ATP2B4: variants seen among roughly 807,000 people sequenced by gnomAD.
ATP2B4 encodes ATPase plasma membrane Ca2+ transporting 4.
In ATP2B4, 39 loss-of-function variants were observed where a neutral mutation model predicts 110.3. The ratio of observed to expected loss-of-function variants is 0.35; its 90% CI spans 0.27 to 0.46. ATP2B4 has a LOEUF of 0.46. Ranked by LOEUF, ATP2B4 falls within the 20% of genes least tolerant of loss-of-function variation. The pLI, the probability that ATP2B4 is intolerant of heterozygous loss-of-function variation, is 1.00. For missense variants in ATP2B4, 1,135 were observed against 1,530.9 expected (o/e 0.74, Z 4.32); for synonymous variants, 538 against 571.7 (o/e 0.94, Z 0.84).
At chr1:203,705,198 G>A (rs1646434469) in intron 8 of ATP2B4, among the ~76,000 whole-genome samples, 1 of 152,260 alleles carries the variant, frequency 6.6e-6, no homozygotes, top group South Asian at 2.1e-4. Context: ...GTCACAGAAA[G>A]ATCTATTGGA....
At chr1:203,736,171 A>G (rs1225778401) in intron 20 of ATP2B4, among the ~76,000 whole-genome samples, 1 of 152,174 alleles carries the variant, frequency 6.6e-6, no homozygotes, top group African/African-American at 2.4e-5. Flanking sequence ...GTTTCTGAAA[A>G]GAGCAGAAAA....
At chr1:203,649,067 G>A (rs556368839) in intron 1 of ATP2B4, among the ~76,000 whole-genome samples, 16 of 152,288 alleles carry the variant, frequency 1.1e-4, no homozygotes, top group Middle Eastern at 3.4e-3. Context: ...ATCATGGAGT[G>A]CCTACAAATA....
intron 2 of ATP2B4, among the ~76,000 whole-genome samples, chr1:203,696,415 C>T (rs77659276): frequency 1.3e-5 from 2 of 152,330 alleles, no homozygotes; most frequent in Non-Finnish European, 2.9e-5. Flanking sequence ...TTCTTGTTCT[C>T]TCTGTGAAGC....
intron 20 of ATP2B4, chr1:203,727,786 G>T: frequency 1.7e-6 from 1 of 574,470 alleles, no homozygotes; most frequent in Non-Finnish European, 3.1e-6. Flanking sequence ...TAGACCATGG[G>T]ACACTATTAG....
At chr1:203,709,956 A>G (rs1270294010) in intron 11 of ATP2B4, among the ~76,000 whole-genome samples, 1 of 152,240 alleles carries the variant, frequency 6.6e-6, no homozygotes, top group African/African-American at 2.4e-5. Flanking sequence ...TAAATGATTC[A>G]ATGTATGTAA....
chr1:203,704,210 G>C (rs559058656), intron 8 of ATP2B4, among the ~76,000 whole-genome samples: 11 of 152,176 alleles, frequency 7.2e-5, no homozygotes, highest in Non-Finnish European at 1.0e-4. Flanking sequence ...TCTAGCATAG[G>C]AGTAGGATCT....
chr1:203,739,284 G>A (rs1666946118), intron 20 of ATP2B4, among the ~76,000 whole-genome samples: 1 of 151,810 alleles, frequency 6.6e-6, no homozygotes, highest in Admixed American at 6.6e-5. Flanking sequence ...CGTTGCTTTG[G>A]GTTTTCTACT....
At chr1:203,659,704 C>T (rs1426108814) in intron 1 of ATP2B4, among the ~76,000 whole-genome samples, 1 of 152,084 alleles carries the variant, frequency 6.6e-6, no homozygotes, top group Non-Finnish European at 1.5e-5. Flanking sequence ...GTGGGGGAAG[C>T]CTGTAGTTCT....
chr1:203,703,572 G>A, intron 7 of ATP2B4, 80 bp from the exon 8 acceptor site: 1 of 1,498,270 alleles, frequency 6.7e-7, no homozygotes, highest in Non-Finnish European at 9.1e-7. Context: ...GAGACAGGAA[G>A]GTTTTCTGGT....
intron 19 of ATP2B4, 27 bp from the exon 20 acceptor site, chr1:203,727,368 C>A: frequency 6.2e-7 from 1 of 1,612,256 alleles, no homozygotes; most frequent in Non-Finnish European, 8.5e-7. Flanking sequence ...ATTCTGACGT[C>A]TTCCTCTTCG....
chr1:203,705,976 C>T (rs1665837426), intron 8 of ATP2B4, among the ~76,000 whole-genome samples: 1 of 152,118 alleles, frequency 6.6e-6, no homozygotes, highest in South Asian at 2.1e-4. Flanking sequence ...TTGGAGGCCC[C>T]CGAATCATCA....
intron 1 of ATP2B4, among the ~76,000 whole-genome samples, chr1:203,653,163 G>T (rs1457398127): frequency 6.6e-6 from 1 of 152,226 alleles, no homozygotes. Flanking sequence ...AGTTCAAGTG[G>T]TCTGATTAGA....
intron 19 of ATP2B4, among the ~76,000 whole-genome samples, chr1:203,724,987 C>T (rs1355769188): frequency 6.7e-6 from 1 of 149,910 alleles, no homozygotes; most frequent in Non-Finnish European, 1.5e-5. Flanking sequence ...AGCAATTTCT[C>T]CTGCCTCAGC....
At chr1:203,658,353 A>G (rs1159343093) in intron 1 of ATP2B4, among the ~76,000 whole-genome samples, 1 of 149,828 alleles carries the variant, frequency 6.7e-6, no homozygotes, top group Non-Finnish European at 1.5e-5. Context: ...GAGAAACCTC[A>G]TCTCTAATAA....
intron 14 of ATP2B4, among the ~76,000 whole-genome samples, chr1:203,713,603 T>C (rs569927377): frequency 6.6e-6 from 1 of 152,242 alleles, no homozygotes; most frequent in East Asian, 1.9e-4. Flanking sequence ...TAGCTGGGAC[T>C]ACAGGCGCAT....
intron 20 of ATP2B4, among the ~76,000 whole-genome samples, chr1:203,732,889 A>G (rs908043445): frequency 2.0e-5 from 3 of 152,078 alleles, no homozygotes; most frequent in African/African-American, 7.2e-5. Context: ...GAGTAGGGAA[A>G]AGTCCCTTTA....
intron 18 of ATP2B4, among the ~76,000 whole-genome samples, chr1:203,723,114 A>T (rs1339003392): frequency 1.3e-5 from 2 of 152,098 alleles, no homozygotes; most frequent in Non-Finnish European, 2.9e-5. Flanking sequence ...GTGTTGTGCA[A>T]CTCAAAGAAA....
chr1:203,663,247 T>C (rs1413690195), intron 1 of ATP2B4, among the ~76,000 whole-genome samples: 1 of 152,238 alleles, frequency 6.6e-6, no homozygotes, highest in Non-Finnish European at 1.5e-5. Flanking sequence ...GGGTGTATCC[T>C]GTCTTCTTTA....
intron 20 of ATP2B4, among the ~76,000 whole-genome samples, chr1:203,737,723 G>C (rs749618392): frequency 2.0e-5 from 3 of 152,196 alleles, no homozygotes; most frequent in African/African-American, 4.8e-5. Context: ...GTGTGTGCCT[G>C]TGCTCCCTGA....
Sources: gnomAD v4.1 joint callset for allele counts (sites outside exome capture counted in the v4.1 genomes callset) on GRCh38, gnomAD v4.1.1 for gene constraint, MANE v1.5 for transcripts, NCBI Gene and HGNC (gene_info 2026-07-23, HGNC 2026-07-21) for gene names.